RNF180: variants seen among roughly 807,000 people sequenced by gnomAD.
RNF180 encodes the protein E3 ubiquitin-protein ligase RNF180.
RNF180 carries 38 observed loss-of-function variants against 59.2 expected under a neutral mutation model. The ratio of observed to expected loss-of-function variants is 0.64; its 90% CI spans 0.50 to 0.84. The LOEUF (loss-of-function observed/expected upper bound fraction) is 0.84, where lower values mean the gene tolerates loss of function less well. Ranked by LOEUF, RNF180 falls within the 40% of genes least tolerant of loss-of-function variation. The pLI, the probability that RNF180 is intolerant of heterozygous loss-of-function variation, is 0.00. For missense variants in RNF180, 705 were observed against 700.9 expected (o/e 1.01, Z -0.07); for synonymous variants, 262 against 240.3 (o/e 1.09, Z -0.84).
intron 7 of RNF180, among the ~76,000 whole-genome samples, chr5:64,350,410 T>C (rs1335773697): frequency 6.6e-6 from 1 of 152,192 alleles, no homozygotes; most frequent in Non-Finnish European, 1.5e-5. Context: ...CTCTTTAGTT[T>C]AATTAGATCC....
Position 64,346,359 on chromosome 5 carries a change from C to CTTTTTTTTTTTTTTTTTTTTTTTTTT in RNF180, c.1579+15955_1579+15980dup, listed in dbSNP as rs1162054033. On this transcript the variant is annotated intron_variant, in intron 7 of 7. Transcript: ENST00000389100. ...TCTATTCTTCTTTTTTTCTTTTCTT[C>CTTTTTTTTTTTTTTTTTTTTTTTTTT]TTTTTTTTTTTTTTTTTTTTTTTTT... Among the ~76,000 whole-genome samples the CTTTTTTTTTTTTTTTTTTTTTTTTTT allele has an allele frequency of 2.1e-4, 9 of 42,954 alleles. 1 individual carries two copies. Among genetic ancestry groups the CTTTTTTTTTTTTTTTTTTTTTTTTTT allele is most frequent in the Non-Finnish European group, 2.2e-4 (5 of 22,634 alleles). The allele number at this position is 42,954 out of a possible 152,430, so 28.2% of individuals were successfully genotyped here. A position where few individuals can be genotyped will look rare whatever the true frequency, so the allele number is the denominator to read the frequency against.
intron 1 of RNF180, among the ~76,000 whole-genome samples, chr5:64,198,495 A>G (rs1019576174): frequency 6.6e-6 from 1 of 152,226 alleles, no homozygotes; most frequent in African/African-American, 2.4e-5. Flanking sequence ...CAGTGTTTAA[A>G]TGAAGACTTA....
intron 5 of RNF180, among the ~76,000 whole-genome samples, chr5:64,290,703 CT>C (rs2112422364): frequency 6.6e-6 from 1 of 152,134 alleles, no homozygotes; most frequent in African/African-American, 2.4e-5. Context: ...CAACCCCTGC[CT>C]TTTTCAGTTT....
At position 64,282,358 on chromosome 5, in the gene RNF180, G is replaced by A. The variant is rs144744895; in HGVS notation, c.1228-42828G>A. Among the ~76,000 whole-genome samples the A allele has an allele frequency of 3.9e-3, 589 of 152,192 alleles. 3 individuals carry two copies. The highest frequency in any genetic ancestry group is 0.014 in the African/African-American group (570 of 41,530). On this transcript the variant is annotated intron_variant, in intron 5 of 7. Transcript: ENST00000389100. The stretch of plus-strand genomic sequence containing the variant: ...AGAGGTGTTTGTAATAGTCTCTGAG[G>A]GTTATTTGTATTTGTGTGGGGTCTG...
intron 1 of RNF180, among the ~76,000 whole-genome samples, chr5:64,200,602 T>C (rs1751692578): frequency 6.6e-6 from 1 of 152,230 alleles, no homozygotes. Context: ...ATTAACATAA[T>C]GTATCATCAT....
At chr5:64,188,716 T>C (rs931016583) in intron 1 of RNF180, among the ~76,000 whole-genome samples, 1 of 152,126 alleles carries the variant, frequency 6.6e-6, no homozygotes, top group East Asian at 1.9e-4. Flanking sequence ...ATTTGGTGGG[T>C]TTTCTTTGTG....
At chr5:64,172,403 A>G (rs1364271933) in intron 1 of RNF180, among the ~76,000 whole-genome samples, 3 of 151,422 alleles carry the variant, frequency 2.0e-5, no homozygotes, top group Non-Finnish European at 4.4e-5. Context: ...GAATGGGTTT[A>G]GGAACTGAAT....
At chr5:64,361,187 A>G (rs1283529546) in intron 7 of RNF180, among the ~76,000 whole-genome samples, 1 of 151,502 alleles carries the variant, frequency 6.6e-6, no homozygotes, top group African/African-American at 2.4e-5. Context: ...ATAAAACAGA[A>G]TACTATAGAC....
chr5:64,323,262 T>C (rs1157920713), intron 5 of RNF180, among the ~76,000 whole-genome samples: 1 of 152,170 alleles, frequency 6.6e-6, no homozygotes, highest in Non-Finnish European at 1.5e-5. Flanking sequence ...GGATATAGGC[T>C]GGGTGTGGTG....
intron 7 of RNF180, among the ~76,000 whole-genome samples, chr5:64,364,060 A>C (rs1746355935): frequency 6.6e-6 from 1 of 151,784 alleles, no homozygotes; most frequent in Admixed American, 6.6e-5. Flanking sequence ...CTCTCTTCCT[A>C]TTTGGATGCT....
At chr5:64,213,417 A>C (rs1259429145) in intron 3 of RNF180, 141 bp from the exon 4 acceptor site, 2 of 683,538 alleles carry the variant, frequency 2.9e-6, no homozygotes, top group Non-Finnish European at 5.0e-6. Flanking sequence ...TTTGCTGTTC[A>C]GTCTACTAAT....
chr5:64,241,017 T>G (rs1292559279), intron 5 of RNF180, among the ~76,000 whole-genome samples: 1 of 152,236 alleles, frequency 6.6e-6, no homozygotes, highest in Non-Finnish European at 1.5e-5. Flanking sequence ...CAAATAATAA[T>G]TCAATGTTAT....
At chr5:64,173,149 TTTAA>T (rs1264940764) in intron 1 of RNF180, among the ~76,000 whole-genome samples, 9 of 152,204 alleles carry the variant, frequency 5.9e-5, no homozygotes, top group African/African-American at 2.2e-4. Context: ...ATATTAACCA[TTTAA>T]TTAAGGTTTT....
intron 1 of RNF180, among the ~76,000 whole-genome samples, chr5:64,181,198 G>T (rs1468308986): frequency 6.6e-6 from 1 of 152,130 alleles, no homozygotes; most frequent in Non-Finnish European, 1.5e-5. Flanking sequence ...CCAAATTAAG[G>T]GTGAGTCTGT....
At chr5:64,347,789 G>C (rs1042319123) in intron 7 of RNF180, among the ~76,000 whole-genome samples, 1 of 152,090 alleles carries the variant, frequency 6.6e-6, no homozygotes, top group African/African-American at 2.4e-5. Context: ...CGAGTGTCAG[G>C]ACTGTGTTAT....
intron 5 of RNF180, among the ~76,000 whole-genome samples, chr5:64,294,260 A>T (rs1347009072): frequency 6.6e-6 from 1 of 152,224 alleles, no homozygotes; most frequent in Non-Finnish European, 1.5e-5. Context: ...ACTTTGCAAA[A>T]GGGTAAATGC....
intron 5 of RNF180, among the ~76,000 whole-genome samples, chr5:64,319,949 A>G (rs1744258877): frequency 6.6e-6 from 1 of 152,254 alleles, no homozygotes; most frequent in Admixed American, 6.5e-5. Flanking sequence ...ATTGTTTAAA[A>G]AAGTCAGCCA....
rs568350341 is a variant in RNF180 at position 64,173,626 on chromosome 5, TCCCTTTC to T, written c.-1+7683_-1+7689del. Among the ~76,000 whole-genome samples, 646 of 151,946 alleles carry T rather than the reference TCCCTTTC, an allele frequency of 4.3e-3. 12 individuals carry two copies. The highest frequency in any genetic ancestry group is 4.0e-3 in the Non-Finnish European group (271 of 67,936). On this transcript the variant is annotated intron_variant, in intron 1 of 7. Transcript: ENST00000389100. ...TGACCAATCTCTCTCCCTCCTCCTT[TCCCTTTC>T]CCCTTTCCCTTTTCCCTCTCTCCCC...
chr5:64,234,343 G>A (rs1377588133), intron 5 of RNF180, among the ~76,000 whole-genome samples: 1 of 151,914 alleles, frequency 6.6e-6, no homozygotes, highest in Non-Finnish European at 1.5e-5. Context: ...GCATGTGCCT[G>A]TAGTCCCAGC....
Sources: allele counts gnomAD v4.1 joint callset (sites outside exome capture counted in the v4.1 genomes callset), GRCh38; gene constraint gnomAD v4.1.1; transcripts MANE v1.5; gene names NCBI Gene and HGNC (gene_info 2026-07-23, HGNC 2026-07-21).